The following MYCBP2 variants were observed in gnomAD, a reference collection of about 807,000 sequenced individuals.
MYCBP2 encodes the protein E3 ubiquitin-protein ligase MYCBP2.
Under a neutral mutation model 525.3 loss-of-function variants are expected in MYCBP2, and 120 were observed. The ratio of observed to expected loss-of-function variants is 0.23; its 90% CI spans 0.20 to 0.27. The LOEUF (loss-of-function observed/expected upper bound fraction) is 0.27. Among genes scored for constraint, MYCBP2 ranks in the 10% least tolerant of loss-of-function variants. The probability of loss-of-function intolerance (pLI) is 1.00; values close to 1 mark genes in which losing one functional copy is unlikely to be tolerated. For missense variants in MYCBP2, 4,149 were observed against 5,657.1 expected, an observed-to-expected ratio of 0.73 and a Z score of 8.55; for synonymous variants, 1,894 against 1,955.8, an observed-to-expected ratio of 0.97 and a Z score of 0.83.
intron 76 of MYCBP2, among the ~76,000 whole-genome samples, chr13:77,060,652 G>A (rs1007560522): frequency 2.0e-5 from 3 of 152,140 alleles, no homozygotes; most frequent in Admixed American, 2.0e-4. Flanking sequence ...TTTGTTTTAT[G>A]TCTATTCATT....
chr13:77,153,469 T>C (rs2056789985), intron 46 of MYCBP2, among the ~76,000 whole-genome samples: 1 of 152,232 alleles, frequency 6.6e-6, no homozygotes, highest in Non-Finnish European at 1.5e-5. Flanking sequence ...TATTTGATAT[T>C]AAATTACAGA....
At chr13:77,213,638 G>A (rs1004768478) in intron 21 of MYCBP2, among the ~76,000 whole-genome samples, 2 of 152,160 alleles carry the variant, frequency 1.3e-5, no homozygotes, top group Admixed American at 6.5e-5. Context: ...GTCCAAAAAT[G>A]TGTTAGATAC....
rs9565328 is a variant in MYCBP2 at position 77,233,542 on chromosome 13, A to G, written c.2630-279T>C. Among the ~76,000 whole-genome samples the G allele has an allele frequency of 2.0e-3, 305 of 152,110 alleles. 5 individuals are homozygous for G. The East Asian group carries it at 0.049, about 24-fold the overall frequency. ...TGTAGTTACTAATAGTCTCAAATAG[A>G]TAATCAAGAAGTTCAATTTAAATCA... On this transcript the variant is annotated intron_variant, in intron 17 of 82. Coordinates refer to ENST00000544440, the MANE Select transcript of MYCBP2 (RefSeq NM_015057.5).
rs775407250 is a variant in MYCBP2 at position 77,174,403 on chromosome 13, A to C, written c.5559T>G (p.Pro1853=). Residue 1853 remains proline (P), a synonymous_variant, in exon 37 of 83, where the codon CCT becomes CCG. Transcript: ENST00000544440. The part of the protein sequence containing the change: ...GDGGMTTVQC[P]DGVTFTFSTC... Reference sequence around the variant, plus strand: ...TGCTGAATGTGAATGTCACACCATCAGGGCACTGAACTGTGGTCATTCCTC... The same window carrying C: ...TGCTGAATGTGAATGTCACACCATCCGGGCACTGAACTGTGGTCATTCCTC... 1 of 1,614,174 alleles carries C rather than the reference A, an allele frequency of 6.2e-7. No individual in the cohort carries two copies. Among genetic ancestry groups the C allele is most frequent in the South Asian group, 1.1e-5 (1 of 91,090 alleles).
At position 77,140,116 on chromosome 13, in the gene MYCBP2, G is replaced by A. The variant is rs773381985; in HGVS notation, c.7449C>T (p.Ser2483=). The change falls in exon 51 of 83, where the codon AGC becomes AGT. Residue 2483 remains serine, a synonymous_variant. Coordinates refer to ENST00000544440, the MANE Select transcript of MYCBP2 (RefSeq NM_015057.5). ...TCTGCTCACTCTGAAGGGAAGGGTG[G>A]CTACGGATGCGAAGCCCCGCACTGT... ...AKDSAGLRIR[S]HPSLQSEQIG... The A allele has an allele frequency of 6.2e-7, 1 of 1,613,212 alleles. No individual in the cohort carries two copies. Among genetic ancestry groups the A allele is most frequent in the South Asian group, 1.1e-5 (1 of 90,902 alleles).
intron 65 of MYCBP2, 21 bp from the exon 66 acceptor site, chr13:77,078,910 T>C (rs780740738): frequency 1.3e-5 from 21 of 1,583,012 alleles, no homozygotes; most frequent in Admixed American, 3.3e-5. Context: ...CAATTCACAA[T>C]AGTTAATATG....
At chr13:77,107,673 G>A (rs1431066258) in intron 55 of MYCBP2, among the ~76,000 whole-genome samples, 1 of 152,142 alleles carries the variant, frequency 6.6e-6, no homozygotes, top group Non-Finnish European at 1.5e-5. Flanking sequence ...GGGAGAGGGA[G>A]GTTGCAGTGA....
chr13:77,174,893 G>C (rs368710108), intron 36 of MYCBP2, among the ~76,000 whole-genome samples: 1 of 2,008 alleles, frequency 5.0e-4, no homozygotes, highest in Admixed American at 5.9e-3. Flanking sequence ...TAGAATATTA[G>C]CCATACTATA....
chr13:77,098,301 G>A lies in MYCBP2; in HGVS notation c.8853C>T (p.Cys2951=), dbSNP rs747481941. The A allele has an allele frequency of 8.4e-5, 136 of 1,611,328 alleles. No individual in the cohort carries two copies. The highest frequency in any genetic ancestry group is 1.1e-4 in the East Asian group (5 of 44,866). ...LKTNSLTDST[C]DDSSEFKSVD... ...CACTCTTAAATTCACTGCTGTCATC[G>A]CAGGTGCTGTCTGTTAGACTATTTG... Residue 2951 remains cysteine, a synonymous_variant, in exon 56 of 83, where the codon TGC becomes TGT. Coordinates refer to ENST00000544440, the MANE Select transcript of MYCBP2 (RefSeq NM_015057.5).
In MYCBP2 at chr13:77,073,619, A is replaced by G. The variant is rs2041765877; in HGVS notation, c.11824-2908T>C. Among the ~76,000 whole-genome samples the G allele has an allele frequency of 2.0e-5, 3 of 152,122 alleles. 1 individual carries two copies. The highest frequency in any genetic ancestry group is 2.0e-4 in the Admixed American group (3 of 15,280). On this transcript the variant is annotated intron_variant, in intron 68 of 82. Coordinates refer to ENST00000544440, the MANE Select transcript of MYCBP2 (RefSeq NM_015057.5). ...AAAAAACCCAAATTTATTGAAGACT[A>G]CATGATTATCTAAGAAAACCCCAAA...
At chr13:77,275,054 T>C (rs1019119829) in intron 4 of MYCBP2, among the ~76,000 whole-genome samples, 1 of 152,176 alleles carries the variant, frequency 6.6e-6, no homozygotes, top group Non-Finnish European at 1.5e-5. Flanking sequence ...GTACATCTGT[T>C]GATTATTCAG....
chr13:77,076,965 A>G, intron 67 of MYCBP2, 116 bp from the exon 68 acceptor site: 1 of 1,104,724 alleles, frequency 9.1e-7, no homozygotes, highest in Non-Finnish European at 1.3e-6. Context: ...GCTAATATAC[A>G]CCACTATTTT....
In MYCBP2 at chr13:77,044,967, G is replaced by A. The variant is rs753188176; in HGVS notation, c.*411C>T. 1.5e-5 allele frequency: 6 copies of A among 398,112 alleles called. No homozygotes were observed. The highest frequency in any genetic ancestry group is 7.1e-5 in the East Asian group (2 of 28,062). The allele number at this position is 398,112 out of a possible 1,614,324, so 24.7% of individuals were successfully genotyped here. A position where few individuals can be genotyped will look rare whatever the true frequency, so the allele number is the denominator to read the frequency against. ...AATATTCCTCTTTTTATCCCCACCC[G>A]TGATGCAATTGTACAGGATTACAAA... On this transcript the variant is annotated 3_prime_UTR_variant, in exon 83 of 83. Transcript: ENST00000544440.
chr13:77,169,809 G>A (rs2058963064), intron 38 of MYCBP2, 95 bp from the exon 39 acceptor site: 1 of 1,073,408 alleles, frequency 9.3e-7, no homozygotes, highest in Admixed American at 2.1e-5. Flanking sequence ...CTGCTCTTTT[G>A]AGCGAAACTA....
rs766564516 is a variant in MYCBP2 at position 77,058,293 on chromosome 13, T to C, written c.13254A>G (p.Thr4418=). 26 of 1,614,192 alleles carry C rather than the reference T, an allele frequency of 1.6e-5. No homozygotes were observed. The South Asian group carries it at 2.9e-4, about 18-fold the overall frequency. The stretch of plus-strand genomic sequence containing the variant: ...TGTCATCGGCGTCTTGCTTCAGGCT[T>C]GTGGCACTTTTGTCACAGCCGTGTA... The part of the protein sequence containing the change: ...PCLHGCDKSA[T]SLKQDADDMC... The change falls in exon 78 of 83, where the codon ACA becomes ACG. Residue 4418 remains threonine, a synonymous_variant. Coordinates refer to ENST00000544440, the MANE Select transcript of MYCBP2 (RefSeq NM_015057.5). The surrounding 1 kb of genome is among the most constrained non-coding windows in gnomAD (Gnocchi z 4.1).
chr13:77,061,889 G>A (rs1026506001), intron 74 of MYCBP2, 99 bp from the exon 75 acceptor site: 74 of 1,218,090 alleles, frequency 6.1e-5, no homozygotes, highest in Admixed American at 3.2e-4. Flanking sequence ...ACCGTTATTC[G>A]GAAGTCTATT....
At chr13:77,178,492 TAC>T (rs1265707449) in intron 34 of MYCBP2, among the ~76,000 whole-genome samples, 1 of 152,210 alleles carries the variant, frequency 6.6e-6, no homozygotes, top group Non-Finnish European at 1.5e-5. Flanking sequence ...TACGAATATA[TAC>T]AGTGATATTT....
At chr13:77,216,837 G>A (rs1019272260) in intron 21 of MYCBP2, among the ~76,000 whole-genome samples, 1 of 152,032 alleles carries the variant, frequency 6.6e-6, no homozygotes, top group East Asian at 1.9e-4. Context: ...TAATTATTAG[G>A]TCAATTCACA....
chr13:77,309,746 C>A (rs2079927013), intron 1 of MYCBP2, among the ~76,000 whole-genome samples: 1 of 152,206 alleles, frequency 6.6e-6, no homozygotes, highest in East Asian at 1.9e-4. Flanking sequence ...TGCTCCTTTT[C>A]ATTCATCCTC....
Sources: gnomAD v4.1 joint callset for allele counts (sites outside exome capture counted in the v4.1 genomes callset) on GRCh38, gnomAD v4.1.1 for gene constraint, Gnocchi (gnomAD v3.1) non-coding constraint, MANE v1.5 for transcripts, NCBI Gene and HGNC (gene_info 2026-07-23, HGNC 2026-07-21) for gene names.